The following ADAM22 variants were observed in gnomAD, a reference collection of about 807,000 sequenced individuals.
ADAM22 encodes the protein disintegrin and metalloproteinase domain-containing protein 22.
In ADAM22, 65 loss-of-function variants were observed where a neutral mutation model predicts 144.6. The ratio of observed to expected loss-of-function variants is 0.45; its 90% CI spans 0.37 to 0.55. The LOEUF (loss-of-function observed/expected upper bound fraction) is 0.55. Among genes scored for constraint, ADAM22 ranks in the 20% least tolerant of loss-of-function variants. ADAM22 has a pLI of 0.00. For missense variants in ADAM22, 974 were observed against 1,184.9 expected (o/e 0.82, Z 2.61); for synonymous variants, 391 against 412.6 (o/e 0.95, Z 0.63).
At chr7:88,171,664 A>C in intron 26 of ADAM22, 103 bp downstream of exon 26, 1 of 1,048,876 alleles carries the variant, frequency 9.5e-7, no homozygotes. Context: ...CTTTGTTTTT[A>C]TGTATAATAA....
chr7:88,014,662 GA>G (rs1037946667), intron 3 of ADAM22, among the ~76,000 whole-genome samples: 1 of 151,680 alleles, frequency 6.6e-6, no homozygotes, highest in African/African-American at 2.4e-5. Flanking sequence ...AGGTAAAAAA[GA>G]AAAAAAAGTT....
chr7:88,189,396 A>C (rs750524076), intron 30 of ADAM22, among the ~76,000 whole-genome samples: 2 of 152,218 alleles, frequency 1.3e-5, no homozygotes, highest in Non-Finnish European at 2.9e-5. Context: ...AATAATTACA[A>C]CTATCATGTA....
In ADAM22 at chr7:88,015,481, C is replaced by A. The variant is rs556140617; in HGVS notation, c.323+37069C>A. Among the ~76,000 whole-genome samples the A allele has an allele frequency of 2.0e-5, 3 of 152,276 alleles. No homozygotes were observed. In the East Asian group the frequency reaches 5.8e-4, roughly 29 times the overall value. ...CAATCATCACAGGCATGCATAGCTG[C>A]AAGCATGTGGTTTCAGGAAAGAGGT... On this transcript the variant is annotated intron_variant, in intron 3 of 31. Coordinates refer to ENST00000413139, the MANE Select transcript of ADAM22 (RefSeq NM_001324418.2).
chr7:88,079,370 C>G (rs544742823), intron 4 of ADAM22, among the ~76,000 whole-genome samples: 43 of 152,252 alleles, frequency 2.8e-4, no homozygotes, highest in African/African-American at 9.4e-4. Flanking sequence ...AAGGAACAAC[C>G]GGTACCAGCC....
chr7:88,190,450 G>A (rs972433793), intron 30 of ADAM22, among the ~76,000 whole-genome samples: 6 of 152,034 alleles, frequency 3.9e-5, no homozygotes, highest in African/African-American at 7.2e-5. Context: ...CAGGAGAATC[G>A]CTTGAACCCA....
At chr7:88,159,456 A>G (rs1840947283) in intron 22 of ADAM22, among the ~76,000 whole-genome samples, 1 of 152,146 alleles carries the variant, frequency 6.6e-6, no homozygotes. Context: ...TCTACAAAAA[A>G]AGAAAATTTC....
intron 3 of ADAM22, among the ~76,000 whole-genome samples, chr7:88,001,175 C>T (rs1792464815): frequency 6.6e-6 from 1 of 152,120 alleles, no homozygotes; most frequent in South Asian, 2.1e-4. Context: ...ATCCAAAATG[C>T]TTGGGGACAG....
chr7:87,955,294 A>T (rs1241549318), intron 2 of ADAM22, among the ~76,000 whole-genome samples: 2 of 151,960 alleles, frequency 1.3e-5, no homozygotes, highest in African/African-American at 2.4e-5. Flanking sequence ...GATGATGGTG[A>T]TGTACAGATG....
chr7:88,095,915 T>TCCCCCCCCCCCCC (rs1821137446), intron 4 of ADAM22, among the ~76,000 whole-genome samples: 1 of 148,200 alleles, frequency 6.7e-6, no homozygotes, highest in Non-Finnish European at 1.5e-5. Flanking sequence ...AAATACTCTC[T>TCCCCCCCCCCCCC]CCCCACCCGC....
intron 4 of ADAM22, among the ~76,000 whole-genome samples, chr7:88,083,206 G>A (rs1817369272): frequency 1.3e-5 from 2 of 152,136 alleles, no homozygotes; most frequent in South Asian, 4.1e-4. Flanking sequence ...GATGAAGCTG[G>A]AAACCATCAT....
intron 3 of ADAM22, among the ~76,000 whole-genome samples, chr7:88,072,459 AG>A (rs1813086960): frequency 6.6e-6 from 1 of 152,088 alleles, no homozygotes; most frequent in Admixed American, 6.6e-5. Flanking sequence ...TATTTGACTT[AG>A]GTGATTTTGA....
chr7:87,971,958 A>G (rs1850556775), intron 2 of ADAM22, among the ~76,000 whole-genome samples: 1 of 152,236 alleles, frequency 6.6e-6, no homozygotes, highest in South Asian at 2.1e-4. Context: ...TGGGAGGCCA[A>G]GGCGGGTGGA....
intron 4 of ADAM22, among the ~76,000 whole-genome samples, chr7:88,079,788 A>G (rs1815922047): frequency 6.6e-6 from 1 of 152,246 alleles, no homozygotes; most frequent in African/African-American, 2.4e-5. Flanking sequence ...ATTCAACAAG[A>G]AGAACTAAGT....
rs1200434031 is a variant in ADAM22, at chr7:88,202,569, T to G, written c.*6078T>G. 2.0e-5 allele frequency: 3 copies of G among 152,232 alleles called. No individual in the cohort carries two copies. Among genetic ancestry groups the G allele is most frequent in the Non-Finnish European group, 4.4e-5 (3 of 68,040 alleles). 9.4% of individuals were successfully genotyped at this position (152,232 alleles called of 1,614,324 possible). On this transcript the variant is annotated 3_prime_UTR_variant, in exon 32 of 32. Coordinates refer to ENST00000413139, the MANE Select transcript of ADAM22 (RefSeq NM_001324418.2). ...GATTCGCATTATTTTAACATTTCTC[T>G]GCTACTCTGCACTTCAGGTTCGTTA...
intron 3 of ADAM22, among the ~76,000 whole-genome samples, chr7:87,993,242 C>G (rs1292238996): frequency 6.6e-6 from 1 of 152,124 alleles, no homozygotes. Flanking sequence ...TAAATGTACA[C>G]CCCTTTACAC....
At chr7:87,950,196 G>C (rs530701151) in intron 2 of ADAM22, among the ~76,000 whole-genome samples, 5 of 151,888 alleles carry the variant, frequency 3.3e-5, no homozygotes, top group South Asian at 2.1e-4. Flanking sequence ...GTGCAGGTTA[G>C]TTACATATGT....
intron 4 of ADAM22, among the ~76,000 whole-genome samples, chr7:88,083,090 A>G (rs557659023): frequency 4.6e-5 from 7 of 152,372 alleles, no homozygotes; most frequent in African/African-American, 7.2e-5. Flanking sequence ...AACCAACCCA[A>G]ATGTCCAACA....
rs1281828065 is a variant in ADAM22, at chr7:88,125,612, C to A, written c.631C>A (p.Pro211Thr). The A allele has an allele frequency of 1.3e-6, 2 of 1,595,400 alleles. No homozygotes were observed. Among genetic ancestry groups the A allele is most frequent in the African/African-American group, 1.4e-5 (1 of 73,518 alleles). ...AGAATTTCAGCAAGTAAACATTACT[C>A]CATCAAAATTTATTTTGAAGCCAAG... Reference protein sequence around the residue: ...PSEFQQVNITPSKFILKPRPK... With the variant: ...PSEFQQVNITTSKFILKPRPK... Residue 211 changes from proline to threonine, a missense_variant, in exon 8 of 32, where the codon CCA becomes ACA. Around this residue, in one of 2 missense-constraint regions of ADAM22, gnomAD observed 734 missense variants for 950.6 expected, o/e 0.77. Transcript: ENST00000413139.
At chr7:88,008,277 T>C (rs1794473866) in intron 3 of ADAM22, among the ~76,000 whole-genome samples, 2 of 151,158 alleles carry the variant, frequency 1.3e-5, no homozygotes, top group South Asian at 2.1e-4. Flanking sequence ...TGTGGAGAAA[T>C]AAGAACACTT....
Sources: allele counts gnomAD v4.1 joint callset (sites outside exome capture counted in the v4.1 genomes callset), GRCh38; gene constraint gnomAD v4.1.1; regional missense constraint gnomAD v4.1.1; transcripts MANE v1.5; gene names NCBI Gene and HGNC (gene_info 2026-07-23, HGNC 2026-07-21).